The following ABCA13 variants were observed in gnomAD, a reference collection of about 807,000 sequenced individuals.
The protein encoded by ABCA13 is ATP-binding cassette sub-family A member 13.
A neutral mutation model predicts 478.7 loss-of-function variants in ABCA13; 476 were observed. The ratio of observed to expected loss-of-function variants is 0.99; its 90% confidence interval spans 0.92 to 1.07. The LOEUF is 1.07. Ranked by LOEUF, ABCA13 falls within the 50% of genes least tolerant of loss-of-function variation. The probability of loss-of-function intolerance (pLI) is 0.00; values close to 1 mark genes in which losing one functional copy is unlikely to be tolerated. For synonymous variants in ABCA13, 2,252 were observed against 2,158.9 expected (o/e 1.04, Z -1.20); for missense variants, 6,060 against 5,910.6 (o/e 1.03, Z -0.83).
chr7:48,271,819 T>C lies in ABCA13; in HGVS notation c.2153T>C (p.Met718Thr). ...ALNFTKHLLM[M>T]EKKLHTLEDE... Reference sequence around the variant, plus strand: ...AATTTCACAAAGCACCTTCTAATGATGGAAAAGAAGTTGCACACCCTTGAG... The same window carrying C: ...AATTTCACAAAGCACCTTCTAATGACGGAAAAGAAGTTGCACACCCTTGAG... Residue 718 changes from methionine to threonine, a missense_variant, in exon 17 of 62, where the codon ATG becomes ACG. Physicochemically the swap from Met to Thr is moderately conservative, Grantham distance 81. This residue lies in a region of ABCA13 where 4,423 missense variants were observed against 4,309.1 expected (regional missense o/e 1.03). Transcript: ENST00000435803. 6.5e-7 allele frequency: 1 copy of C among 1,545,374 alleles called. No homozygotes were observed. Among genetic ancestry groups the C allele is most frequent in the Non-Finnish European group, 8.7e-7 (1 of 1,144,632 alleles).
At chr7:48,408,355 A>G (rs1414651298) in intron 39 of ABCA13, among the ~76,000 whole-genome samples, 1 of 152,158 alleles carries the variant, frequency 6.6e-6, no homozygotes, top group East Asian at 1.9e-4. Context: ...GGAATGTATC[A>G]TCTGAACTAC....
At chr7:48,322,562 C>T (rs912982079) in intron 27 of ABCA13, among the ~76,000 whole-genome samples, 1 of 152,166 alleles carries the variant, frequency 6.6e-6, no homozygotes, top group Non-Finnish European at 1.5e-5. Context: ...TCTCCCTGTC[C>T]TCTCAATGCC....
At chr7:48,419,935 C>T (rs1011811563) in intron 41 of ABCA13, among the ~76,000 whole-genome samples, 4 of 152,142 alleles carry the variant, frequency 2.6e-5, no homozygotes, top group Admixed American at 2.6e-4. Flanking sequence ...AGAAAGGTAT[C>T]TTAAATTGGA....
chr7:48,219,883 A>AC (rs1787102645), intron 4 of ABCA13, among the ~76,000 whole-genome samples: 23 of 126,558 alleles, frequency 1.8e-4, no homozygotes, highest in Middle Eastern at 4.2e-3. Flanking sequence ...ACCTTCCCCA[A>AC]ACACACACAC....
At chr7:48,600,350 T>G (rs1482888875) in intron 58 of ABCA13, among the ~76,000 whole-genome samples, 5 of 135,764 alleles carry the variant, frequency 3.7e-5, no homozygotes, top group Non-Finnish European at 7.5e-5. Context: ...TTGGATATTG[T>G]TTTTTTTTTT....
intron 34 of ABCA13, 143 bp downstream of exon 34, chr7:48,374,559 T>C: frequency 1.4e-6 from 1 of 695,330 alleles, no homozygotes; most frequent in East Asian, 3.0e-5. Context: ...CTTTCACTGT[T>C]GTATACACCT....
intron 59 of ABCA13, among the ~76,000 whole-genome samples, chr7:48,640,673 A>C (rs1795039769): frequency 6.6e-6 from 1 of 152,232 alleles, no homozygotes; most frequent in South Asian, 2.1e-4. Flanking sequence ...TGGAAGTATG[A>C]AAATCAAATA....
chr7:48,586,701 C>A (rs1789214254), intron 56 of ABCA13, among the ~76,000 whole-genome samples: 1 of 152,130 alleles, frequency 6.6e-6, no homozygotes, highest in Non-Finnish European at 1.5e-5. Flanking sequence ...ATGTAGCAAA[C>A]CTGCACATAG....
At chr7:48,415,422 T>C (rs2129104885) in intron 41 of ABCA13, among the ~76,000 whole-genome samples, 1 of 152,332 alleles carries the variant, frequency 6.6e-6, no homozygotes, top group South Asian at 2.1e-4. Flanking sequence ...GTTTACTAGT[T>C]GTATGGTGTC....
At chr7:48,190,430 T>C (rs955246331) in intron 1 of ABCA13, among the ~76,000 whole-genome samples, 10 of 152,212 alleles carry the variant, frequency 6.6e-5, no homozygotes, top group Non-Finnish European at 1.5e-4. Flanking sequence ...GCTACACATA[T>C]GTCTGACTTT....
chr7:48,503,869 C>A (rs1830968317), intron 48 of ABCA13, among the ~76,000 whole-genome samples: 1 of 152,046 alleles, frequency 6.6e-6, no homozygotes. Flanking sequence ...CTGAGGCACC[C>A]CTATAGTGTT....
At chr7:48,217,204 A>G (rs982071026) in intron 3 of ABCA13, among the ~76,000 whole-genome samples, 2 of 152,192 alleles carry the variant, frequency 1.3e-5, no homozygotes, top group Non-Finnish European at 1.5e-5. Flanking sequence ...CTGTCCTCAG[A>G]TCCTTCCTCT....
At chr7:48,512,409 A>G (rs949238840) in intron 51 of ABCA13, among the ~76,000 whole-genome samples, 3 of 152,212 alleles carry the variant, frequency 2.0e-5, no homozygotes, top group African/African-American at 4.8e-5. Context: ...AAGATGTAAT[A>G]TCCTGAGCTA....
At chr7:48,551,408 A>G (rs1311125033) in intron 55 of ABCA13, among the ~76,000 whole-genome samples, 1 of 152,000 alleles carries the variant, frequency 6.6e-6, no homozygotes, top group South Asian at 2.1e-4. Context: ...CCATGTGATT[A>G]TGTTGTATTC....
intron 33 of ABCA13, 47 bp downstream of exon 33, chr7:48,372,544 G>A (rs1585052954): frequency 1.4e-6 from 2 of 1,387,542 alleles, no homozygotes; most frequent in Non-Finnish European, 9.7e-7. Flanking sequence ...CAACAAAATT[G>A]CAATCTATCT....
At chr7:48,179,433 C>T (rs1330957352) in intron 1 of ABCA13, among the ~76,000 whole-genome samples, 1 of 152,182 alleles carries the variant, frequency 6.6e-6, no homozygotes, top group East Asian at 1.9e-4. Context: ...CCCCCACTGC[C>T]TGCTGTCAGC....
At chr7:48,389,327 A>C in intron 37 of ABCA13, 107 bp downstream of exon 37, 1 of 1,291,644 alleles carries the variant, frequency 7.7e-7, no homozygotes, top group Non-Finnish European at 1.1e-6. Context: ...TAAAATTTTG[A>C]GTCTCAATAC....
chr7:48,217,561 A>T (rs1786672366), intron 3 of ABCA13, among the ~76,000 whole-genome samples: 1 of 152,140 alleles, frequency 6.6e-6, no homozygotes, highest in Non-Finnish European at 1.5e-5. Context: ...ATAATCTCCC[A>T]AGTGTGACAC....
chr7:48,642,167 A>C (rs1344960003), intron 59 of ABCA13, among the ~76,000 whole-genome samples: 2 of 150,072 alleles, frequency 1.3e-5, no homozygotes, highest in African/African-American at 5.1e-5. Flanking sequence ...CCTGAAATTA[A>C]GACAAGAGGA....
Sources: allele counts gnomAD v4.1 joint callset (sites outside exome capture counted in the v4.1 genomes callset), GRCh38; gene constraint gnomAD v4.1.1; regional missense constraint gnomAD v4.1.1; transcripts MANE v1.5; gene names NCBI Gene and HGNC (gene_info 2026-07-23, HGNC 2026-07-21).